The following HIRA variants were observed in gnomAD, a reference collection of about 807,000 sequenced individuals.
HIRA encodes the protein histone cell cycle regulator, also known as protein HIRA.
In HIRA, 13 loss-of-function variants were observed where a neutral mutation model predicts 126.6. The observed-to-expected ratio is 0.10, with a 90% CI of 0.07 to 0.16. The LOEUF (loss-of-function observed/expected upper bound fraction) is 0.16, where lower values mean the gene tolerates loss of function less well. HIRA is among the 10% of genes least tolerant of loss of function. HIRA has a pLI of 1.00. For missense variants in HIRA, 834 were observed against 1,314.4 expected (o/e 0.63, Z 5.65); for synonymous variants, 511 against 520.0 (o/e 0.98, Z 0.24).
chr22:19,418,440 C>T (rs941069650), intron 1 of HIRA, among the ~76,000 whole-genome samples: 4 of 151,066 alleles, frequency 2.6e-5, no homozygotes, highest in African/African-American at 7.3e-5. Flanking sequence ...CTGACTAACA[C>T]GGTGAAACCC....
At chr22:19,353,323 G>GAGA (rs781981152) in intron 23 of HIRA, 33 bp downstream of exon 23, 5 of 1,611,632 alleles carry the variant, frequency 3.1e-6, no homozygotes, top group Non-Finnish European at 4.2e-6. Context: ...GGGGCAGAAG[G>GAGA]AGAAGGCTGC....
At chr22:19,340,004 C>CTCCCTAAATCACTCT in intron 24 of HIRA, among the ~76,000 whole-genome samples, 1 of 152,292 alleles carries the variant, frequency 6.6e-6, no homozygotes, top group East Asian at 1.9e-4. Context: ...AAGAGGGAAT[C>CTCCCTAAATCACTCT]TCCCTAAATC....
At chr22:19,356,198 A>C (rs928575735) in intron 20 of HIRA, 32 bp downstream of exon 20, 1 of 1,605,434 alleles carries the variant, frequency 6.2e-7, no homozygotes, top group East Asian at 2.2e-5. Context: ...TGGGCCCCCA[A>C]AAGAGTAGGG....
chr22:19,357,102 A>G (rs1403921615), intron 18 of HIRA, 51 bp from the exon 19 acceptor site: 3 of 1,597,348 alleles, frequency 1.9e-6, no homozygotes, highest in Non-Finnish European at 2.6e-6. Context: ...TGCTGCAGCC[A>G]AGACAGTAGC....
At chr22:19,340,602 G>A (rs989026898) in intron 24 of HIRA, among the ~76,000 whole-genome samples, 5 of 152,030 alleles carry the variant, frequency 3.3e-5, no homozygotes, top group Admixed American at 6.6e-5. Flanking sequence ...TGATATGATC[G>A]TATACCTAGA....
intron 23 of HIRA, among the ~76,000 whole-genome samples, chr22:19,352,572 C>T (rs2088769620): frequency 6.6e-6 from 1 of 152,200 alleles, no homozygotes; most frequent in Admixed American, 6.5e-5. Flanking sequence ...CACACACATA[C>T]ACTCGTATTT....
chr22:19,366,517 C>T (rs933981748), intron 15 of HIRA, among the ~76,000 whole-genome samples: 3 of 152,096 alleles, frequency 2.0e-5, no homozygotes, highest in Non-Finnish European at 2.9e-5. Flanking sequence ...TTGGAAGAAG[C>T]GGATTCCAAC....
rs1171659879 is a variant in HIRA at position 19,405,731 on chromosome 22, CTGA to C, written c.397+52_397+54del. The C allele has an allele frequency of 1.7e-5, 21 of 1,251,460 alleles. No individual in the cohort carries two copies. The Admixed American group carries it at 6.0e-4, about 36-fold the overall frequency. The allele number at this position is 1,251,460 out of a possible 1,614,324, so 77.5% of individuals were successfully genotyped here. ...TCCCACAGGGGACGTGGCGGTGCTGCTGATCTGAGCCAGGTGTCAGGGGCCCAC... is the reference window on the plus strand; with the variant it reads ...TCCCACAGGGGACGTGGCGGTGCTGCTCTGAGCCAGGTGTCAGGGGCCCAC... On this transcript the variant is annotated intron_variant, in intron 5 of 24. Transcript: ENST00000263208.
At chr22:19,348,111 A>G (rs186284149) in intron 24 of HIRA, among the ~76,000 whole-genome samples, 80 of 152,318 alleles carry the variant, frequency 5.3e-4, no homozygotes, top group African/African-American at 1.9e-3. Context: ...CCCAGCTTTG[A>G]GTTCCAGGCA....
chr22:19,399,063 C>T (rs1031879064), intron 5 of HIRA: 46 of 915,478 alleles, frequency 5.0e-5, no homozygotes, highest in Non-Finnish European at 6.0e-5. Flanking sequence ...TGCTGCAACA[C>T]CATGCCAGGC....
chr22:19,340,488 T>C (rs2088614915), intron 24 of HIRA, among the ~76,000 whole-genome samples: 1 of 152,122 alleles, frequency 6.6e-6, no homozygotes, highest in Non-Finnish European at 1.5e-5. Context: ...ACCACTGCTA[T>C]TCAACATTGT....
chr22:19,348,871 T>C (rs900037786), intron 24 of HIRA, among the ~76,000 whole-genome samples: 6 of 150,528 alleles, frequency 4.0e-5, no homozygotes, highest in South Asian at 2.1e-4. Context: ...ATCTTGGCTC[T>C]GCCTCCTAGG....
At chr22:19,427,733 AGC>A (rs2089499581) in intron 1 of HIRA, among the ~76,000 whole-genome samples, 1 of 152,210 alleles carries the variant, frequency 6.6e-6, no homozygotes, top group South Asian at 2.1e-4. Context: ...GCTGAGCATA[AGC>A]GCTGTCTGCC....
In HIRA at chr22:19,331,253, G is replaced by T; in HGVS notation, c.*187C>A. The stretch of plus-strand genomic sequence containing the variant: ...GAGGGATGAGCTTCCCCCTCCTGAG[G>T]CAATGTCAGACCCAGGACACAGGGC... On this transcript the variant is annotated 3_prime_UTR_variant, in exon 25 of 25. Transcript: ENST00000263208. The T allele has an allele frequency of 6.6e-7, 1 of 1,517,990 alleles. No individual in the cohort carries two copies. The highest frequency in any genetic ancestry group is 8.8e-7 in the Non-Finnish European group (1 of 1,134,648). The allele number at this position is 1,517,990 out of a possible 1,614,324, so 94.0% of individuals were successfully genotyped here.
intron 15 of HIRA, among the ~76,000 whole-genome samples, chr22:19,363,199 A>G (rs895699589): frequency 2.6e-5 from 4 of 151,220 alleles, no homozygotes; most frequent in African/African-American, 9.7e-5. Flanking sequence ...GTGCCACTGC[A>G]CTCCAGCCTG....
At chr22:19,340,662 C>T (rs1199448853) in intron 24 of HIRA, among the ~76,000 whole-genome samples, 1 of 152,066 alleles carries the variant, frequency 6.6e-6, no homozygotes, top group Non-Finnish European at 1.5e-5. Flanking sequence ...AAATGAATTC[C>T]GTAAACTTTC....
rs1556011762 is a variant in HIRA at position 19,354,058 on chromosome 22, C to A, written c.2622G>T (p.Leu874=). ...AGCACAGCATGGCGTCCTGGGATGG[C>A]AGGCTGCTCCTAAAGTCTGCACACT... The part of the protein sequence containing the change: ...LAQCADFRSS[L]PSQDAMLCSG... The change falls in exon 22 of 25, where the codon CTG becomes CTT. Residue 874 remains leucine, a synonymous_variant. Transcript: ENST00000263208. 6.2e-7 allele frequency: 1 copy of A among 1,613,130 alleles called. No individual in the cohort carries two copies. Among genetic ancestry groups the A allele is most frequent in the Admixed American group, 1.7e-5 (1 of 59,884 alleles).
intron 15 of HIRA, among the ~76,000 whole-genome samples, chr22:19,366,565 G>A (rs1053743608): frequency 1.3e-5 from 2 of 152,106 alleles, no homozygotes; most frequent in Non-Finnish European, 2.9e-5. Flanking sequence ...GACTTCAGTG[G>A]AAAAAGTCAT....
intron 17 of HIRA, among the ~76,000 whole-genome samples, chr22:19,360,910 CTG>C (rs933828178): frequency 2.0e-5 from 3 of 152,190 alleles, no homozygotes; most frequent in South Asian, 2.1e-4. Flanking sequence ...CTGCCCAGGG[CTG>C]TGTGTGGAGG....
Sources: gnomAD v4.1 joint callset for allele counts (sites outside exome capture counted in the v4.1 genomes callset) on GRCh38, gnomAD v4.1.1 for gene constraint, MANE v1.5 for transcripts, NCBI Gene and HGNC (gene_info 2026-07-23, HGNC 2026-07-21) for gene names.